Variants in DENND5A observed in about 807,000 individuals in gnomAD.
The protein encoded by DENND5A is DENN domain containing 5A.
DENND5A carries 64 observed loss-of-function variants against 140.3 expected under a neutral mutation model. The ratio of observed to expected loss-of-function variants is 0.46; its 90% CI spans 0.37 to 0.56. DENND5A has a LOEUF of 0.56. Ranked by LOEUF, DENND5A falls within the 20% of genes least tolerant of loss-of-function variation. The pLI, the probability that DENND5A is intolerant of heterozygous loss-of-function variation, is 0.00. For missense variants in DENND5A, 1,292 were observed against 1,593.8 expected (o/e 0.81, Z 3.22); for synonymous variants, 605 against 607.7 (o/e 1.00, Z 0.07).
At chr11:9,199,383 G>C (rs1849449610) in intron 4 of DENND5A, among the ~76,000 whole-genome samples, 1 of 152,044 alleles carries the variant, frequency 6.6e-6, no homozygotes, top group South Asian at 2.1e-4. Context: ...TGTAGTCCCA[G>C]CTACCCAGGA....
intron 1 of DENND5A, among the ~76,000 whole-genome samples, chr11:9,249,985 C>A (rs989605205): frequency 4.0e-5 from 6 of 151,488 alleles, no homozygotes; most frequent in African/African-American, 9.7e-5. Context: ...TCGCACCTGG[C>A]CCAATTATTC....
At chr11:9,219,672 G>A (rs10840188) in intron 1 of DENND5A, among the ~76,000 whole-genome samples, 30,409 of 152,182 alleles carry the variant, frequency 0.2, 3,150 homozygotes, top group African/African-American at 0.23. Context: ...AGATTTTAGT[G>A]CAATAGGCCT....
chr11:9,193,686 G>A lies in DENND5A; in HGVS notation c.950-5C>T, dbSNP rs758807706. On this transcript the variant is annotated splice_region_variant and splice_polypyrimidine_tract_variant and intron_variant, in intron 4 of 22. Coordinates refer to ENST00000328194, the MANE Select transcript of DENND5A (RefSeq NM_015213.4). Reference sequence around the variant, plus strand: ...CAGTCATCAGTCTCTGGTAATCTGGGTCAACAACAACAAAAAAAGCACACA... The same window carrying A: ...CAGTCATCAGTCTCTGGTAATCTGGATCAACAACAACAAAAAAAGCACACA... 8.8e-6 allele frequency: 14 copies of A among 1,594,872 alleles called. No homozygotes were observed.
In DENND5A at chr11:9,139,859, C is replaced by T; in HGVS notation, c.3681-5G>A. On this transcript the variant is annotated splice_region_variant and splice_polypyrimidine_tract_variant and intron_variant, in intron 22 of 22. Transcript: ENST00000328194. ...CAGTGGTGTAGGAGGTGATCTCTGG[C>T]AGAGCGGGAGCAGTCCAGGCAGGTC... 6.2e-7 allele frequency: 1 copy of T among 1,613,458 alleles called. No homozygotes were observed.
At chr11:9,246,490 T>C (rs1196862939) in intron 1 of DENND5A, among the ~76,000 whole-genome samples, 1 of 151,584 alleles carries the variant, frequency 6.6e-6, no homozygotes, top group African/African-American at 2.4e-5. Context: ...CACGCTCCTG[T>C]AGTCCCAGCT....
chr11:9,235,201 C>G (rs532872362), intron 1 of DENND5A, among the ~76,000 whole-genome samples: 1 of 152,210 alleles, frequency 6.6e-6, no homozygotes, highest in Admixed American at 6.5e-5. Flanking sequence ...GCACTATTCA[C>G]AACAGGCAAA....
intron 1 of DENND5A, among the ~76,000 whole-genome samples, chr11:9,222,218 T>C (rs1442275383): frequency 6.6e-6 from 1 of 152,248 alleles, no homozygotes; most frequent in Non-Finnish European, 1.5e-5. Context: ...TTTACTTGTA[T>C]ATCCTCATGC....
At chr11:9,190,254 T>C (rs143235593) in intron 5 of DENND5A, among the ~76,000 whole-genome samples, 1,981 of 152,198 alleles carry the variant, frequency 0.013, 41 homozygotes, top group African/African-American at 0.044. Flanking sequence ...TGGGGGACTG[T>C]TGGGAGGCAT....
In DENND5A at chr11:9,203,964, G is replaced by A. The variant is rs777593983; in HGVS notation, c.645C>T (p.Phe215=). The part of the protein sequence containing the change: ...KCICLITPMS[F]MKACRSVLEQ... ...CCAGCACGCTCCGACATGCCTTCAT[G>A]AAAGACATGGGTGTGATGAGGCAGA... Residue 215 remains phenylalanine, a synonymous_variant, in exon 4 of 23, where the codon TTC becomes TTT. Coordinates refer to ENST00000328194, the MANE Select transcript of DENND5A (RefSeq NM_015213.4). 1 of 1,614,144 alleles carries A rather than the reference G, an allele frequency of 6.2e-7. No homozygotes were observed. The highest frequency in any genetic ancestry group is 1.1e-5 in the South Asian group (1 of 91,074).
At chr11:9,192,638 CA>C (rs141358183) in intron 5 of DENND5A, among the ~76,000 whole-genome samples, 4 of 140,718 alleles carry the variant, frequency 2.8e-5, no homozygotes, top group Non-Finnish European at 6.2e-5. Context: ...AAAAAAAAAA[CA>C]AAAAAAAACA....
At chr11:9,195,203 C>G (rs1004441729) in intron 4 of DENND5A, among the ~76,000 whole-genome samples, 1 of 151,834 alleles carries the variant, frequency 6.6e-6, no homozygotes, top group East Asian at 1.9e-4. Context: ...GCCTCAGCCT[C>G]CTGAGTAGCT....
chr11:9,160,955 C>A (rs1400292212), intron 11 of DENND5A, 90 bp from the exon 12 acceptor site: 18 of 1,297,842 alleles, frequency 1.4e-5, no homozygotes, highest in Non-Finnish European at 2.0e-5. Context: ...CACAGTACAT[C>A]TGTTGGGCTG....
rs1387161787 is a variant in DENND5A, at chr11:9,193,594, G to A, written c.1037C>T (p.Pro346Leu). Residue 346 changes from proline (P) to leucine (L), a missense_variant, in exon 5 of 23, where the codon CCA becomes CTA. By Grantham distance (98) the Pro-to-Leu change is moderately conservative. Coordinates refer to ENST00000328194, the MANE Select transcript of DENND5A (RefSeq NM_015213.4). ...ATCTAAGAAATGCAGGAGAGAAGCT[G>A]GGAGAATAGGGACATAGACATGCTG... ...QWQHVYVPIL[P>L]ASLLHFLDAP... 3 of 1,613,956 alleles carry A rather than the reference G, an allele frequency of 1.9e-6. No individual in the cohort carries two copies. The highest frequency in any genetic ancestry group is 1.7e-5 in the Admixed American group (1 of 59,990).
chr11:9,179,915 A>G (rs1848670657), intron 6 of DENND5A, among the ~76,000 whole-genome samples: 1 of 152,224 alleles, frequency 6.6e-6, no homozygotes, highest in African/African-American at 2.4e-5. Context: ...AGCAGAAAAA[A>G]TGAAATATTT....
At chr11:9,146,957 A>T (rs1847450703) in intron 16 of DENND5A, 73 bp downstream of exon 16, 6 of 1,515,262 alleles carry the variant, frequency 4.0e-6, no homozygotes, top group Non-Finnish European at 5.5e-6. Context: ...TAAAAAGGGG[A>T]CAATGAGTGA....
rs1266993832 is a variant in DENND5A at position 9,143,503 on chromosome 11, G to A, written c.3305-18C>T. On this transcript the variant is annotated intron_variant, in intron 19 of 22. Coordinates refer to ENST00000328194, the MANE Select transcript of DENND5A (RefSeq NM_015213.4). ...GTTCAGCTCTAATAAAAATCAAGCA[G>A]ACATCCCTAACCAATCTCTGAGGCT... The A allele has an allele frequency of 6.2e-7, 1 of 1,603,646 alleles. No individual in the cohort carries two copies. Among genetic ancestry groups the A allele is most frequent in the Non-Finnish European group, 8.5e-7 (1 of 1,170,840 alleles).
intron 10 of DENND5A, among the ~76,000 whole-genome samples, chr11:9,166,448 T>C (rs1007207942): frequency 5.9e-5 from 9 of 152,192 alleles, no homozygotes; most frequent in Admixed American, 4.6e-4. Flanking sequence ...TTTAATTTAA[T>C]TCTTGTATTA....
chr11:9,187,843 G>A (rs1848971629), intron 5 of DENND5A, among the ~76,000 whole-genome samples: 1 of 152,164 alleles, frequency 6.6e-6, no homozygotes, highest in African/African-American at 2.4e-5. Context: ...ATGTGTTGGT[G>A]CAAAAAGGAA....
At chr11:9,145,340 C>T in intron 17 of DENND5A, 1 of 586,334 alleles carries the variant, frequency 1.7e-6, no homozygotes, top group Non-Finnish European at 3.0e-6. Context: ...GGTCAGGGAG[C>T]AAGAGATTCT....
Sources: gnomAD v4.1 joint callset for allele counts (sites outside exome capture counted in the v4.1 genomes callset) on GRCh38, gnomAD v4.1.1 for gene constraint, MANE v1.5 for transcripts, NCBI Gene and HGNC (gene_info 2026-07-23, HGNC 2026-07-21) for gene names.